TRIM2: variants seen among roughly 807,000 people sequenced by gnomAD.
TRIM2 encodes tripartite motif-containing protein 2.
In TRIM2, 20 loss-of-function variants were observed where a neutral mutation model predicts 75.2. The observed-to-expected ratio is 0.27, with a 90% CI of 0.19 to 0.39. The LOEUF (loss-of-function observed/expected upper bound fraction) is 0.39. Among genes scored for constraint, TRIM2 ranks in the 10% least tolerant of loss-of-function variants. The pLI is 1.00. For synonymous variants in TRIM2, 373 were observed against 388.3 expected, an observed-to-expected ratio of 0.96 and a Z score of 0.46; for missense variants, 660 against 990.8, an observed-to-expected ratio of 0.67 and a Z score of 4.48.
intron 1 of TRIM2, among the ~76,000 whole-genome samples, chr4:153,211,488 C>CTTTTTTTT (rs112668688): frequency 1.5e-5 from 2 of 135,036 alleles, no homozygotes; most frequent in African/African-American, 5.7e-5. Flanking sequence ...TTTTCTTTTT[C>CTTTTTTTT]TTTTTTTTTT....
chr4:153,303,392 G>T (rs1221351088), intron 6 of TRIM2, among the ~76,000 whole-genome samples: 1 of 151,214 alleles, frequency 6.6e-6, no homozygotes, highest in Non-Finnish European at 1.5e-5. Context: ...AGAATCGCTG[G>T]AACCCAGGAG....
intron 1 of TRIM2, among the ~76,000 whole-genome samples, chr4:153,206,251 A>G (rs549178160): frequency 6.6e-6 from 1 of 152,132 alleles, no homozygotes; most frequent in Non-Finnish European, 1.5e-5. Flanking sequence ...GAAGGTTGTC[A>G]CTTGTGCTTC....
In TRIM2 at chr4:153,322,821, A is replaced by C; in HGVS notation, c.1951+5A>C. 6.2e-7 allele frequency: 1 copy of C among 1,614,148 alleles called. No homozygotes were observed. Among genetic ancestry groups the C allele is most frequent in the Non-Finnish European group, 8.5e-7 (1 of 1,180,028 alleles). On this transcript the variant is annotated splice_donor_5th_base_variant and intron_variant, in intron 9 of 11. Coordinates refer to ENST00000338700, the MANE Select transcript of TRIM2 (RefSeq NM_015271.5). ...ATGGGGACAGGCAGTTTGCAGGTACACTCGATGGTAATATGTAAACCCCCT... is the reference window on the plus strand; with the variant it reads ...ATGGGGACAGGCAGTTTGCAGGTACCCTCGATGGTAATATGTAAACCCCCT...
At chr4:153,176,551 A>G (rs544321786) in intron 1 of TRIM2, among the ~76,000 whole-genome samples, 28 of 152,092 alleles carry the variant, frequency 1.8e-4, no homozygotes, top group African/African-American at 6.7e-4. Context: ...ATTCTTGCAA[A>G]TTTTCTATAG....
chr4:153,235,505 C>T (rs559656557), intron 1 of TRIM2, among the ~76,000 whole-genome samples: 1 of 151,848 alleles, frequency 6.6e-6, no homozygotes, highest in African/African-American at 2.4e-5. Context: ...AGGCTGGTCT[C>T]GAACTCCTCA....
chr4:153,235,288 A>ATT lies in TRIM2; in HGVS notation c.30+30741_30+30742dup, dbSNP rs111641294. ...GTGCCTGCTTCATAGAGTTAAGATA[A>ATT]TTTTTTTTTTTTTTGAGACAAGGTC... On this transcript the variant is annotated intron_variant, in intron 1 of 11. Transcript: ENST00000338700. Among the ~76,000 whole-genome samples, 1,167 of 145,234 alleles carry ATT rather than the reference A, an allele frequency of 8.0e-3. 14 individuals are homozygous for ATT. Among genetic ancestry groups the ATT allele is most frequent in the East Asian group, 0.027 (132 of 4,970 alleles).
At chr4:153,263,591 T>C (rs1754134435) in intron 1 of TRIM2, among the ~76,000 whole-genome samples, 1 of 152,258 alleles carries the variant, frequency 6.6e-6, no homozygotes, top group African/African-American at 2.4e-5. Context: ...TCTGTGCCCT[T>C]GTAGGCCTTA....
rs2149609002 is a variant in TRIM2 at position 153,335,263 on chromosome 4, C to G, written c.*297C>G. 9.6e-7 allele frequency: 1 copy of G among 1,042,706 alleles called. No individual in the cohort carries two copies. Among genetic ancestry groups the G allele is most frequent in the African/African-American group, 2.4e-5 (1 of 41,278 alleles). The allele number at this position is 1,042,706 out of a possible 1,614,324, so 64.6% of individuals were successfully genotyped here. A position where few individuals can be genotyped will look rare whatever the true frequency, so the allele number is the denominator to read the frequency against. On this transcript the variant is annotated 3_prime_UTR_variant, in exon 12 of 12. Transcript: ENST00000338700. The stretch of plus-strand genomic sequence containing the variant: ...AGCTAAACTAATTTTGCAAATCAAA[C>G]AGACACTTAAAAAACTAGCATATGT...
intron 1 of TRIM2, among the ~76,000 whole-genome samples, chr4:153,225,816 A>G (rs1741947319): frequency 6.6e-6 from 1 of 152,236 alleles, no homozygotes; most frequent in African/African-American, 2.4e-5. Flanking sequence ...TATTACTAAT[A>G]TAGTTATTTC....
Position 153,337,483 on chromosome 4 carries a change from A to C in TRIM2, c.*2517A>C, listed in dbSNP as rs80115527. On this transcript the variant is annotated 3_prime_UTR_variant, in exon 12 of 12. Transcript: ENST00000338700. The stretch of plus-strand genomic sequence containing the variant: ...ACTATGTGTTGCTAAAACACATGCT[A>C]TGAGCACTCCAGGAAACACTATATT... 0.018 allele frequency: 17,296 copies of C among 985,852 alleles called. 192 individuals carry two copies. Among genetic ancestry groups the C allele is most frequent in the Non-Finnish European group, 0.02 (16,497 of 829,886 alleles). 61.1% of individuals were successfully genotyped at this position (985,852 alleles called of 1,614,324 possible).
At chr4:153,226,014 G>A (rs1259958255) in intron 1 of TRIM2, among the ~76,000 whole-genome samples, 1 of 152,126 alleles carries the variant, frequency 6.6e-6, no homozygotes, top group East Asian at 1.9e-4. Flanking sequence ...GGGACTACAG[G>A]CATGTGCCAC....
intron 6 of TRIM2, chr4:153,307,747 G>T: frequency 3.1e-6 from 2 of 653,874 alleles, no homozygotes; most frequent in East Asian, 3.1e-5. Flanking sequence ...CTGGACGCTC[G>T]TGCTGTGTCG....
intron 6 of TRIM2, chr4:153,309,664 T>G (rs1175200177): frequency 6.6e-6 from 1 of 151,222 alleles, no homozygotes; most frequent in Admixed American, 6.6e-5. Flanking sequence ...GATGGAGTCT[T>G]GCAGGCTGAA....
intron 3 of TRIM2, chr4:153,276,368 C>G: frequency 1.8e-6 from 1 of 549,674 alleles, no homozygotes; most frequent in South Asian, 2.9e-5. Context: ...ATCCCCAGGA[C>G]AGCAAACCAG....
intron 1 of TRIM2, among the ~76,000 whole-genome samples, chr4:153,153,978 G>GT (rs111589318): frequency 0.09 from 13,706 of 151,990 alleles, 1,852 homozygotes; most frequent in African/African-American, 0.29. Context: ...GGGGGGTGTG[G>GT]TTTTTTTTCC....
In TRIM2 at chr4:153,204,450, T is replaced by G; in HGVS notation, c.-81T>G. 6.6e-7 allele frequency: 1 copy of G among 1,515,420 alleles called. No individual in the cohort carries two copies. Among genetic ancestry groups the G allele is most frequent in the Non-Finnish European group, 9.0e-7 (1 of 1,114,468 alleles). The allele number at this position is 1,515,420 out of a possible 1,614,324, so 93.9% of individuals were successfully genotyped here. ...AGGGCCACCCTTTAACTCGGCAGCT[T>G]GATGACTATAATGGGCCCAGTTGTC... On this transcript the variant is annotated 5_prime_UTR_variant, in exon 1 of 12. Transcript: ENST00000338700.
intron 1 of TRIM2, among the ~76,000 whole-genome samples, chr4:153,241,210 A>G (rs1359395868): frequency 6.6e-6 from 1 of 152,248 alleles, no homozygotes; most frequent in Non-Finnish European, 1.5e-5. Context: ...ATGTCCGATC[A>G]TAACAAGTAG....
At chr4:153,266,385 C>T (rs987948256) in intron 1 of TRIM2, among the ~76,000 whole-genome samples, 8 of 148,274 alleles carry the variant, frequency 5.4e-5, no homozygotes, top group African/African-American at 2.0e-4. Flanking sequence ...ACTCTGTCAC[C>T]AGGCTGGAGT....
rs541910904 is a variant in TRIM2, at chr4:153,281,180, G to A, written c.453+5050G>A. On this transcript the variant is annotated intron_variant, in intron 3 of 11. Coordinates refer to ENST00000338700, the MANE Select transcript of TRIM2 (RefSeq NM_015271.5). ...AATTTTTTAAAAGGTAGTAACCAGC[G>A]CTCTTGAGAGTATGTATGGTGAGAC... Among the ~76,000 whole-genome samples the A allele has an allele frequency of 1.6e-4, 24 of 152,294 alleles. 1 individual carries two copies. The South Asian group carries it at 2.5e-3, about 16-fold the overall frequency.
Sources: allele counts gnomAD v4.1 joint callset (sites outside exome capture counted in the v4.1 genomes callset), GRCh38; gene constraint gnomAD v4.1.1; transcripts MANE v1.5; gene names NCBI Gene and HGNC (gene_info 2026-07-23, HGNC 2026-07-21).